The following RERE variants were observed in gnomAD, a reference collection of about 807,000 sequenced individuals.
RERE encodes arginine-glutamic acid dipeptide repeats protein.
In RERE, 40 loss-of-function variants were observed where a neutral mutation model predicts 146.1. The ratio of observed to expected loss-of-function variants is 0.27; its 90% confidence interval spans 0.21 to 0.36. The LOEUF (loss-of-function observed/expected upper bound fraction) is 0.36. Among genes scored for constraint, RERE ranks in the 10% least tolerant of loss-of-function variants. The probability of loss-of-function intolerance (pLI) is 1.00; values close to 1 mark genes in which losing one functional copy is unlikely to be tolerated. For synonymous variants in RERE, 1,003 were observed against 866.0 expected, an observed-to-expected ratio of 1.16 and a Z score of -2.78; for missense variants, 1,933 against 2,138.7, an observed-to-expected ratio of 0.90 and a Z score of 1.90.
At chr1:8,784,103 A>ACT (rs1413030337) in intron 1 of RERE, among the ~76,000 whole-genome samples, 1 of 151,624 alleles carries the variant, frequency 6.6e-6, no homozygotes, top group Non-Finnish European at 1.5e-5. Context: ...CTGACACACC[A>ACT]CTCTACCCCC....
At chr1:8,610,380 G>C (rs1487178504) in intron 4 of RERE, among the ~76,000 whole-genome samples, 4 of 151,964 alleles carry the variant, frequency 2.6e-5, no homozygotes, top group African/African-American at 9.7e-5. Context: ...CACAAGGTCA[G>C]CAGTTCGAGA....
At chr1:8,694,499 G>A (rs1454821533) in intron 1 of RERE, among the ~76,000 whole-genome samples, 2 of 152,150 alleles carry the variant, frequency 1.3e-5, no homozygotes, top group South Asian at 2.1e-4. Flanking sequence ...GGTGGCTCAC[G>A]CTTGTAATCC....
intron 11 of RERE, among the ~76,000 whole-genome samples, chr1:8,457,368 A>G (rs1198922539): frequency 1.3e-5 from 2 of 152,228 alleles, no homozygotes; most frequent in Non-Finnish European, 2.9e-5. Context: ...TGTGGAAAAC[A>G]CACTAGAATT....
intron 12 of RERE, chr1:8,380,882 C>T (rs761352708): frequency 3.3e-5 from 15 of 456,648 alleles, no homozygotes; most frequent in Non-Finnish European, 3.5e-5. Context: ...TGAAAGTGCT[C>T]AGCGCTGCTG....
chr1:8,366,916 C>CAAAAAAAAAAAAAAAAAAA (rs5772317), intron 12 of RERE, among the ~76,000 whole-genome samples: 2 of 107,684 alleles, frequency 1.9e-5, no homozygotes, highest in East Asian at 2.7e-4. Flanking sequence ...AAAAAAAAAA[C>CAAAAAAAAAAAAAAAAAAA]AAAAAAAAAA....
In RERE at chr1:8,361,170, G is replaced by T. The variant is rs757450289; in HGVS notation, c.2337C>A (p.Pro779=). 10 of 1,457,730 alleles carry T rather than the reference G, an allele frequency of 6.9e-6. No homozygotes were observed. Among genetic ancestry groups the T allele is most frequent in the Non-Finnish European group, 8.1e-6 (9 of 1,110,890 alleles). 90.3% of individuals were successfully genotyped at this position (1,457,730 alleles called of 1,614,324 possible). Residue 779 remains proline (P), a synonymous_variant, in exon 18 of 23, where the codon CCC becomes CCA. Coordinates refer to ENST00000400908, the MANE Select transcript of RERE (RefSeq NM_001042681.2). ...GCTGGTTAGGGGCCTGGGAGGCCGT[G>T]GGGGAGCCCTGTGGGGGAACTGCAG... ...SATAVPPQGS[P]TASQAPNQPQ...
At chr1:8,424,405 C>T (rs974758870) in intron 11 of RERE, among the ~76,000 whole-genome samples, 1 of 152,242 alleles carries the variant, frequency 6.6e-6, no homozygotes, top group Middle Eastern at 3.2e-3. Flanking sequence ...AGTCTGCAAC[C>T]TCCTACTCCA....
At chr1:8,469,173 G>T (rs1244219377) in intron 10 of RERE, among the ~76,000 whole-genome samples, 1 of 152,116 alleles carries the variant, frequency 6.6e-6, no homozygotes, top group South Asian at 2.1e-4. Context: ...GGCCTCAAGT[G>T]TGATCAGCTT....
At chr1:8,692,707 T>C (rs1639233367) in intron 1 of RERE, among the ~76,000 whole-genome samples, 1 of 152,180 alleles carries the variant, frequency 6.6e-6, no homozygotes, top group Non-Finnish European at 1.5e-5. Context: ...ATATAAACGC[T>C]ATATTTTTTA....
chr1:8,359,038 C>T, intron 19 of RERE, 122 bp from the exon 20 acceptor site: 2 of 1,249,504 alleles, frequency 1.6e-6, no homozygotes, highest in Non-Finnish European at 2.1e-6. Context: ...CCTGGTCCCT[C>T]CACGGAGACC....
intron 1 of RERE, chr1:8,786,169 G>A: frequency 1.6e-6 from 1 of 606,610 alleles, no homozygotes; most frequent in South Asian, 1.6e-5. Context: ...AAACTGATCA[G>A]ACTAGAAAAA....
chr1:8,786,902 C>T, intron 1 of RERE: 3 of 860,560 alleles, frequency 3.5e-6, no homozygotes, highest in Middle Eastern at 3.3e-4. Flanking sequence ...TCTGGCACAA[C>T]AGGAACCTTC....
At position 8,405,474 on chromosome 1, in the gene RERE, A is replaced by G. The variant is rs571987886; in HGVS notation, c.1284+17253T>C. ...TGCGTTAAGCAAAAGATCAATACAG[A>G]TAAGTTTTAAATAGTCATAAAATAA... On this transcript the variant is annotated intron_variant, in intron 12 of 22. Coordinates refer to ENST00000400908, the MANE Select transcript of RERE (RefSeq NM_001042681.2). Among the ~76,000 whole-genome samples, 112 of 152,350 alleles carry G rather than the reference A, an allele frequency of 7.4e-4. 1 individual carries two copies. The highest frequency in any genetic ancestry group is 8.9e-4 in the African/African-American group (37 of 41,582).
chr1:8,639,252 G>T (rs1296883179), intron 2 of RERE, among the ~76,000 whole-genome samples: 2 of 152,200 alleles, frequency 1.3e-5, no homozygotes, highest in East Asian at 3.8e-4. Context: ...TCATGTATCA[G>T]ATGCCACAGC....
intron 10 of RERE, among the ~76,000 whole-genome samples, chr1:8,492,288 G>C (rs967097817): frequency 2.0e-5 from 3 of 152,152 alleles, no homozygotes; most frequent in Non-Finnish European, 4.4e-5. Flanking sequence ...TTTCTATACT[G>C]AAGTATGGTC....
At chr1:8,607,927 T>G (rs557744058) in intron 4 of RERE, among the ~76,000 whole-genome samples, 2 of 152,260 alleles carry the variant, frequency 1.3e-5, no homozygotes, top group Admixed American at 1.3e-4. Context: ...GGTTTTGCCA[T>G]GTTGGCCAGG....
At chr1:8,678,066 T>A (rs1040541905) in intron 1 of RERE, among the ~76,000 whole-genome samples, 1 of 152,198 alleles carries the variant, frequency 6.6e-6, no homozygotes, top group African/African-American at 2.4e-5. Context: ...TCCGGAAGCC[T>A]GGTTTCCCAA....
At chr1:8,709,032 C>G (rs1639615313) in intron 1 of RERE, among the ~76,000 whole-genome samples, 1 of 150,060 alleles carries the variant, frequency 6.7e-6, no homozygotes, top group Non-Finnish European at 1.5e-5. Flanking sequence ...TCTGCCTCAG[C>G]CTCCCGAGTA....
At chr1:8,578,107 G>A (rs533510236) in intron 4 of RERE, among the ~76,000 whole-genome samples, 63 of 151,908 alleles carry the variant, frequency 4.1e-4, no homozygotes, top group African/African-American at 1.2e-3. Context: ...AAAAAAAAAA[G>A]GGCGGGGGGG....
Sources: gnomAD v4.1 joint callset for allele counts (sites outside exome capture counted in the v4.1 genomes callset) on GRCh38, gnomAD v4.1.1 for gene constraint, MANE v1.5 for transcripts, NCBI Gene and HGNC (gene_info 2026-07-23, HGNC 2026-07-21) for gene names.